PSD3: variants seen among roughly 807,000 people sequenced by gnomAD.
PSD3 encodes pleckstrin and Sec7 domain containing 3, also known as PH and SEC7 domain-containing protein 3.
A neutral mutation model predicts 105.5 loss-of-function variants in PSD3; 49 were observed. The ratio of observed to expected loss-of-function variants is 0.46; its 90% CI spans 0.37 to 0.59. PSD3 has a LOEUF of 0.59. Ranked by LOEUF, PSD3 falls within the 20% of genes least tolerant of loss-of-function variation. The pLI is 0.00. For missense variants in PSD3, 1,561 were observed against 1,263.8 expected (o/e 1.24, Z -3.57); for synonymous variants, 557 against 457.8 (o/e 1.22, Z -2.77).
chr8:18,577,268 T>C (rs1052133987), intron 12 of PSD3, among the ~76,000 whole-genome samples: 3 of 152,212 alleles, frequency 2.0e-5, no homozygotes, highest in Admixed American at 2.0e-4. Context: ...CCAGAGAATA[T>C]GGTCTAGAAA....
At chr8:18,759,641 T>C (rs1480516120) in intron 9 of PSD3, among the ~76,000 whole-genome samples, 1 of 152,170 alleles carries the variant, frequency 6.6e-6, no homozygotes, top group Non-Finnish European at 1.5e-5. Context: ...GAGTATTAAA[T>C]GGTAGATGGC....
At chr8:18,855,444 T>C (rs1263971039) in intron 4 of PSD3, among the ~76,000 whole-genome samples, 1 of 152,190 alleles carries the variant, frequency 6.6e-6, no homozygotes, top group Non-Finnish European at 1.5e-5. Flanking sequence ...AAATAGGTTA[T>C]AGTATGTTCA....
At chr8:19,051,392 G>A (rs934508185) in intron 1 of PSD3, among the ~76,000 whole-genome samples, 6 of 151,916 alleles carry the variant, frequency 3.9e-5, no homozygotes, top group South Asian at 2.1e-4. Context: ...ATACTTATTC[G>A]TGTTATCAAA....
chr8:18,785,071 C>T (rs572235564), intron 8 of PSD3, among the ~76,000 whole-genome samples: 8 of 152,120 alleles, frequency 5.3e-5, no homozygotes, highest in Non-Finnish European at 1.2e-4. Context: ...ATAAACAATG[C>T]TCCTATCATT....
intron 4 of PSD3, chr8:18,808,937 G>C: frequency 6.8e-7 from 1 of 1,462,258 alleles, no homozygotes; most frequent in Non-Finnish European, 9.0e-7. Flanking sequence ...CACATTCTCA[G>C]CCGAGTGTTC....
At chr8:18,602,003 C>T (rs561942487) in intron 11 of PSD3, among the ~76,000 whole-genome samples, 1 of 152,156 alleles carries the variant, frequency 6.6e-6, no homozygotes, top group Non-Finnish European at 1.5e-5. Context: ...ACAAGTCACT[C>T]TACTGCTGTA....
chr8:18,740,971 C>T (rs1182508836), intron 9 of PSD3, among the ~76,000 whole-genome samples: 1 of 152,068 alleles, frequency 6.6e-6, no homozygotes, highest in Non-Finnish European at 1.5e-5. Flanking sequence ...TTATCTGACC[C>T]TCAAGAAATA....
chr8:18,782,580 C>G (rs900000506), intron 8 of PSD3, among the ~76,000 whole-genome samples: 1 of 152,164 alleles, frequency 6.6e-6, no homozygotes, highest in Non-Finnish European at 1.5e-5. Context: ...GATGGATATG[C>G]AGGATCTCGG....
intron 9 of PSD3, among the ~76,000 whole-genome samples, chr8:18,660,371 T>C (rs1205956093): frequency 6.6e-6 from 1 of 152,222 alleles, no homozygotes; most frequent in Non-Finnish European, 1.5e-5. Context: ...TTCAGACCTC[T>C]GGCCTCTGCA....
intron 9 of PSD3, among the ~76,000 whole-genome samples, chr8:18,688,103 G>A (rs1337084301): frequency 6.6e-6 from 1 of 152,080 alleles, no homozygotes; most frequent in East Asian, 1.9e-4. Context: ...TTTAGAGATA[G>A]GGTCCTGTTC....
chr8:18,649,599 G>T (rs1051264596), intron 10 of PSD3, among the ~76,000 whole-genome samples: 7 of 152,168 alleles, frequency 4.6e-5, no homozygotes, highest in African/African-American at 1.7e-4. Context: ...TGTTGGGAAG[G>T]CATGACTGTA....
chr8:19,074,688 G>T (rs1320860708), intron 1 of PSD3, among the ~76,000 whole-genome samples: 4 of 131,268 alleles, frequency 3.0e-5, no homozygotes, highest in African/African-American at 1.2e-4. Flanking sequence ...TGACGCGATC[G>T]CAGCTCACCG....
At position 18,564,262 on chromosome 8, in the gene PSD3, A is replaced by T. The variant is rs542679659; in HGVS notation, c.2785-7910T>A. 2.6e-5 allele frequency among the ~76,000 whole-genome samples: 4 copies of T among 152,334 alleles called. No homozygotes were observed. In the South Asian group the frequency reaches 8.3e-4, roughly 32 times the overall value. On this transcript the variant is annotated intron_variant, in intron 14 of 15. Coordinates refer to ENST00000327040, the MANE Select transcript of PSD3 (RefSeq NM_015310.4). ...AAATATTTAGTATTGGGATAAGGTG[A>T]ATAGTCAAAAAAGTGAGTAGACCAG... is the stretch of plus-strand genomic sequence containing the variant.
intron 2 of PSD3, among the ~76,000 whole-genome samples, chr8:18,903,664 C>A (rs1334465047): frequency 1.3e-5 from 2 of 152,166 alleles, no homozygotes; most frequent in Non-Finnish European, 2.9e-5. Context: ...AGCCAGGGCA[C>A]TGATACCCCA....
chr8:18,961,721 T>C (rs1823939636), intron 1 of PSD3, among the ~76,000 whole-genome samples: 1 of 152,130 alleles, frequency 6.6e-6, no homozygotes, highest in South Asian at 2.1e-4. Context: ...TATTTGTAGA[T>C]ATAAATATTC....
chr8:18,850,584 C>G (rs1419243377), intron 4 of PSD3, among the ~76,000 whole-genome samples: 1 of 152,190 alleles, frequency 6.6e-6, no homozygotes, highest in Non-Finnish European at 1.5e-5. Context: ...CCTATGTTTT[C>G]TAAGACAATT....
At chr8:18,621,532 T>A (rs943649926) in intron 11 of PSD3, among the ~76,000 whole-genome samples, 4 of 152,190 alleles carry the variant, frequency 2.6e-5, no homozygotes, top group African/African-American at 9.7e-5. Context: ...ACCTAGAACT[T>A]AATCTTTTAG....
intron 4 of PSD3, among the ~76,000 whole-genome samples, chr8:18,814,486 G>C (rs62498294): frequency 0.097 from 14,706 of 152,092 alleles, 964 homozygotes; most frequent in African/African-American, 0.2. Context: ...TTCACTTTTT[G>C]TTTTATTTAC....
intron 4 of PSD3, among the ~76,000 whole-genome samples, chr8:18,840,785 G>C (rs7827258): frequency 0.41 from 62,669 of 151,956 alleles, 13,494 homozygotes; most frequent in Middle Eastern, 0.51. Context: ...CAGATTCACA[G>C]ACAGCAGTCA....
Sources: gnomAD v4.1 joint callset for allele counts (sites outside exome capture counted in the v4.1 genomes callset) on GRCh38, gnomAD v4.1.1 for gene constraint, MANE v1.5 for transcripts, NCBI Gene and HGNC (gene_info 2026-07-23, HGNC 2026-07-21) for gene names.